Variants in L2HGDH observed in about 807,000 individuals in gnomAD.
The protein encoded by L2HGDH is L-2-hydroxyglutarate dehydrogenase, mitochondrial.
In L2HGDH, 34 loss-of-function variants were observed where a neutral mutation model predicts 51.5. That is an observed-to-expected ratio of 0.66 (90% CI 0.50 to 0.88). L2HGDH has a LOEUF of 0.88. Among genes scored for constraint, L2HGDH ranks in the 40% least tolerant of loss-of-function variants. The pLI is 0.00. For missense variants in L2HGDH, 558 were observed against 571.9 expected, an observed-to-expected ratio of 0.98 and a Z score of 0.25; for synonymous variants, 198 against 197.9, an observed-to-expected ratio of 1.00 and a Z score of -0.01.
chr14:50,275,798 G>A (rs145260153), intron 6 of L2HGDH, among the ~76,000 whole-genome samples: 23 of 152,360 alleles, frequency 1.5e-4, no homozygotes, highest in African/African-American at 5.5e-4. Flanking sequence ...GGAAATTGAG[G>A]TAGAAATGAG....
intron 6 of L2HGDH, among the ~76,000 whole-genome samples, chr14:50,274,293 T>TG (rs914603181): frequency 3.9e-5 from 5 of 128,634 alleles, no homozygotes; most frequent in African/African-American, 8.5e-5. Context: ...AAAAGGGGAG[T>TG]GGGGGGGCCA....
At chr14:50,288,360 A>T (rs1265461168) in intron 4 of L2HGDH, among the ~76,000 whole-genome samples, 1 of 152,224 alleles carries the variant, frequency 6.6e-6, no homozygotes, top group Non-Finnish European at 1.5e-5. Context: ...CCTCCTCACC[A>T]GATGGAAACC....
chr14:50,256,518 CA>C (rs753470144), intron 9 of L2HGDH, among the ~76,000 whole-genome samples: 2,121 of 71,886 alleles, frequency 0.03, 34 homozygotes, highest in African/African-American at 0.08. Context: ...GCCTGTCTTA[CA>C]AAAAAAAAAA....
chr14:50,257,048 G>A (rs1010960467), intron 9 of L2HGDH, among the ~76,000 whole-genome samples: 1 of 152,044 alleles, frequency 6.6e-6, no homozygotes, highest in Non-Finnish European at 1.5e-5. Context: ...TGATTCTCCT[G>A]CCTCAGCCTC....
intron 9 of L2HGDH, among the ~76,000 whole-genome samples, chr14:50,247,894 CT>C (rs1006719956): frequency 8.4e-4 from 122 of 145,056 alleles, no homozygotes; most frequent in Middle Eastern, 3.5e-3. Flanking sequence ...AAATGAGAGT[CT>C]TTTTTTTTTT....
At chr14:50,265,232 C>T (rs1889270432) in intron 9 of L2HGDH, 126 bp downstream of exon 9, 3 of 773,976 alleles carry the variant, frequency 3.9e-6, no homozygotes, top group Non-Finnish European at 6.5e-6. Flanking sequence ...GGAAAGAAAG[C>T]AAACAAAAAT....
intron 5 of L2HGDH, among the ~76,000 whole-genome samples, chr14:50,279,715 G>A (rs1312588832): frequency 6.6e-6 from 1 of 151,522 alleles, no homozygotes; most frequent in South Asian, 2.1e-4. Flanking sequence ...AGAAAGTAAA[G>A]AGGAAAAAGC....
chr14:50,251,550 C>A (rs896506094), intron 9 of L2HGDH, among the ~76,000 whole-genome samples: 1 of 151,922 alleles, frequency 6.6e-6, no homozygotes, highest in African/African-American at 2.4e-5. Context: ...GCATTTAATC[C>A]AGAGACTAAC....
At position 50,267,989 on chromosome 14, in the gene L2HGDH, T is replaced by C. The variant is rs545080927; in HGVS notation, c.907-79A>G. 8 of 1,325,342 alleles carry C rather than the reference T, an allele frequency of 6.0e-6. No individual in the cohort carries two copies. The East Asian group carries it at 1.8e-4, about 30-fold the overall frequency. The allele number at this position is 1,325,342 out of a possible 1,614,324, so 82.1% of individuals were successfully genotyped here. ...AGATGCAAACATTCAATTGGTAACA[T>C]AAAACACTTTCTTCTCATGCATTTA... On this transcript the variant is annotated intron_variant, in intron 7 of 9. Transcript: ENST00000267436.
chr14:50,266,726 T>A (rs571803113), intron 8 of L2HGDH, among the ~76,000 whole-genome samples: 1 of 152,190 alleles, frequency 6.6e-6, no homozygotes, highest in Non-Finnish European at 1.5e-5. Context: ...GGAAGCTCCA[T>A]CCTAAACTTT....
intron 3 of L2HGDH, 152 bp downstream of exon 3, chr14:50,301,865 T>A: frequency 1.3e-6 from 1 of 778,274 alleles, no homozygotes; most frequent in Admixed American, 2.6e-5. Flanking sequence ...TTACATAACG[T>A]CACACCATCT....
At position 50,277,194 on chromosome 14, in the gene L2HGDH, CTGTTTTTTTTT is replaced by C. The variant is rs1311304877; in HGVS notation, c.738+1315_738+1325del. Among the ~76,000 whole-genome samples, 40 of 142,720 alleles carry C rather than the reference CTGTTTTTTTTT, an allele frequency of 2.8e-4. 1 individual carries two copies. The highest frequency in any genetic ancestry group is 2.5e-3 in the Admixed American group (35 of 13,998). The allele number at this position is 142,720 out of a possible 152,430, so 93.6% of individuals were successfully genotyped here. ...CATAATCCAGGATGGATAAAGTAGACTGTTTTTTTTTTGTTTTTTTTTTTGAGAGTTAGTTA... is the reference window on the plus strand; with the variant it reads ...CATAATCCAGGATGGATAAAGTAGACTGTTTTTTTTTTTGAGAGTTAGTTA... On this transcript the variant is annotated intron_variant, in intron 6 of 9. Transcript: ENST00000267436.
Position 50,312,002 on chromosome 14 carries a change from GCCACTCA to G in L2HGDH, c.140+2_140+8del, listed in dbSNP as rs752314078. 8 of 1,557,506 alleles carry G rather than the reference GCCACTCA, an allele frequency of 5.1e-6. No homozygotes were observed. The highest frequency in any genetic ancestry group is 6.1e-6 in the Non-Finnish European group (7 of 1,153,762). ...GCGCAGGCGGCGGGGAGGACCAGCG[GCCACTCA>G]CCTGGTGCTGGCGCTGCGGCTACCT... is the stretch of plus-strand genomic sequence containing the variant. On this transcript the variant is annotated splice_donor_variant and splice_donor_5th_base_variant and intron_variant, in intron 1 of 9. Transcript: ENST00000267436. LOFTEE classifies it high-confidence loss of function.
rs2139193215 is a variant in L2HGDH at position 50,294,255 on chromosome 14, A to G, written c.409-9T>C. The G allele has an allele frequency of 6.2e-7, 1 of 1,611,274 alleles. No individual in the cohort carries two copies. Among genetic ancestry groups the G allele is most frequent in the Non-Finnish European group, 8.5e-7 (1 of 1,179,520 alleles). On this transcript the variant is annotated splice_polypyrimidine_tract_variant and intron_variant, in intron 3 of 9. Coordinates refer to ENST00000267436, the MANE Select transcript of L2HGDH (RefSeq NM_024884.3). ...TCAACAGCTACTATAAGCTTCAAAAAAAAAAAGGTAAGGAGCATGGATAGA... is the reference window on the plus strand; with the variant it reads ...TCAACAGCTACTATAAGCTTCAAAAGAAAAAAGGTAAGGAGCATGGATAGA...
intron 1 of L2HGDH, among the ~76,000 whole-genome samples, chr14:50,308,986 T>C (rs977042750): frequency 2.6e-5 from 4 of 151,482 alleles, no homozygotes; most frequent in Non-Finnish European, 4.4e-5. Context: ...TTAAGGATAG[T>C]ATGCTGTGTG....
chr14:50,306,885 G>A (rs1039136032), intron 1 of L2HGDH, among the ~76,000 whole-genome samples: 2 of 151,936 alleles, frequency 1.3e-5, no homozygotes, highest in African/African-American at 2.4e-5. Context: ...GCATGATCTC[G>A]GCTCACTGCA....
intron 8 of L2HGDH, among the ~76,000 whole-genome samples, 189 bp downstream of exon 8, chr14:50,267,564 T>TTTTG (rs908907885): frequency 6.0e-5 from 9 of 150,864 alleles, no homozygotes; most frequent in Admixed American, 3.3e-4. Flanking sequence ...GCATTTTTTT[T>TTTTG]TTTGTTTGTT....
chr14:50,277,142 A>G (rs1890018267), intron 6 of L2HGDH, among the ~76,000 whole-genome samples: 1 of 151,852 alleles, frequency 6.6e-6, no homozygotes, highest in Non-Finnish European at 1.5e-5. Flanking sequence ...TCAAAGGGGG[A>G]GTGTAACTCA....
chr14:50,280,834 A>G (rs1173781504), intron 5 of L2HGDH, among the ~76,000 whole-genome samples: 2 of 151,944 alleles, frequency 1.3e-5, no homozygotes, highest in African/African-American at 4.8e-5. Context: ...AATTTTTTTG[A>G]GACAAGGTCT....
Sources: allele counts gnomAD v4.1 joint callset (sites outside exome capture counted in the v4.1 genomes callset), GRCh38; gene constraint gnomAD v4.1.1; transcripts MANE v1.5; gene names NCBI Gene and HGNC (gene_info 2026-07-23, HGNC 2026-07-21).